NELL2: variants seen among roughly 807,000 people sequenced by gnomAD.
NELL2 encodes the protein protein kinase C-binding protein NELL2.
In NELL2, 41 loss-of-function variants were observed where a neutral mutation model predicts 109.6. That is an observed-to-expected ratio of 0.37 (90% CI 0.29 to 0.49). The LOEUF (loss-of-function observed/expected upper bound fraction) is 0.49. Among genes scored for constraint, NELL2 ranks in the 20% least tolerant of loss-of-function variants. NELL2 has a pLI of 0.98. For synonymous variants in NELL2, 355 were observed against 344.7 expected, an observed-to-expected ratio of 1.03 and a Z score of -0.33; for missense variants, 900 against 1,008.3, an observed-to-expected ratio of 0.89 and a Z score of 1.45.
intron 9 of NELL2, among the ~76,000 whole-genome samples, chr12:44,770,495 T>G (rs11182663): frequency 0.02 from 2,980 of 152,286 alleles, 91 homozygotes; most frequent in African/African-American, 0.069. Context: ...TATGCAAAGA[T>G]ATTACAGTAA....
chr12:44,813,293 T>G (rs1457146297), intron 3 of NELL2, among the ~76,000 whole-genome samples: 1 of 152,214 alleles, frequency 6.6e-6, no homozygotes, highest in Non-Finnish European at 1.5e-5. Context: ...GTTAGCTTAC[T>G]CAGCAAATGA....
At chr12:44,551,825 C>T (rs1160195613) in intron 15 of NELL2, among the ~76,000 whole-genome samples, 1 of 152,046 alleles carries the variant, frequency 6.6e-6, no homozygotes, top group Non-Finnish European at 1.5e-5. Context: ...AAAAAAACCA[C>T]CAAGTAATAA....
intron 9 of NELL2, among the ~76,000 whole-genome samples, chr12:44,773,417 A>C (rs1313195172): frequency 6.6e-6 from 1 of 152,110 alleles, no homozygotes; most frequent in African/African-American, 2.4e-5. Context: ...CGGAGCTTGC[A>C]GTGAGCGGAA....
intron 8 of NELL2, 31 bp from the exon 9 acceptor site, chr12:44,774,880 C>T (rs1454738878): frequency 1.2e-5 from 18 of 1,518,814 alleles, no homozygotes; most frequent in Non-Finnish European, 1.5e-5. Context: ...AAAGAATTTC[C>T]ATGTTAGAGT....
intron 16 of NELL2, 164 bp downstream of exon 16, chr12:44,532,416 AT>A: frequency 2.0e-6 from 1 of 511,596 alleles, no homozygotes; most frequent in East Asian, 3.8e-5. Context: ...ATTAGATACC[AT>A]AATTAGCAAG....
intron 19 of NELL2, among the ~76,000 whole-genome samples, chr12:44,509,230 C>T (rs1363281725): frequency 6.6e-6 from 1 of 152,098 alleles, no homozygotes; most frequent in Non-Finnish European, 1.5e-5. Context: ...CACATTTGTT[C>T]TTTCATTTAT....
At chr12:44,855,260 A>G (rs1944650066) in intron 2 of NELL2, among the ~76,000 whole-genome samples, 1 of 152,198 alleles carries the variant, frequency 6.6e-6, no homozygotes, top group African/African-American at 2.4e-5. Flanking sequence ...ATCACAGGAA[A>G]CTTCTTAAAA....
chr12:44,803,088 A>G (rs2136657204), intron 3 of NELL2, among the ~76,000 whole-genome samples: 1 of 152,138 alleles, frequency 6.6e-6, no homozygotes, highest in East Asian at 1.9e-4. Flanking sequence ...AAGAAGAATC[A>G]TAATCATTTC....
At chr12:44,729,247 A>G (rs1939236471) in intron 9 of NELL2, among the ~76,000 whole-genome samples, 1 of 152,034 alleles carries the variant, frequency 6.6e-6, no homozygotes, top group Non-Finnish European at 1.5e-5. Flanking sequence ...AGGGGAGTAA[A>G]TAGGTATATG....
At chr12:44,894,845 G>T (rs146196121) in intron 1 of NELL2, among the ~76,000 whole-genome samples, 3 of 152,262 alleles carry the variant, frequency 2.0e-5, no homozygotes, top group South Asian at 4.1e-4. Flanking sequence ...CATCAAAGAT[G>T]TAAGATATAT....
chr12:44,659,298 T>C (rs1015555413), intron 13 of NELL2, among the ~76,000 whole-genome samples: 2 of 152,174 alleles, frequency 1.3e-5, no homozygotes, highest in African/African-American at 2.4e-5. Flanking sequence ...AAAGACTTCA[T>C]GACTAAAACA....
chr12:44,812,064 C>T (rs1041495305), intron 3 of NELL2, among the ~76,000 whole-genome samples: 9 of 151,776 alleles, frequency 5.9e-5, no homozygotes, highest in African/African-American at 2.2e-4. Context: ...CTAGAATGCA[C>T]CCATTGAAGC....
In NELL2 at chr12:44,604,525, G is replaced by A. The variant is rs1200336499; in HGVS notation, c.1663+2644C>T. Among the ~76,000 whole-genome samples the A allele has an allele frequency of 2.0e-5, 3 of 152,132 alleles. No homozygotes were observed. The South Asian group carries it at 6.2e-4, about 32-fold the overall frequency. The stretch of plus-strand genomic sequence containing the variant: ...ATCATTTAATTGATCACTCATGTGT[G>A]CATTTATTTATTCACCAAATATTTA... On this transcript the variant is annotated intron_variant, in intron 15 of 19. Transcript: ENST00000429094.
intron 15 of NELL2, among the ~76,000 whole-genome samples, chr12:44,593,119 A>T (rs1387800578): frequency 2.0e-5 from 3 of 152,224 alleles, no homozygotes; most frequent in African/African-American, 7.2e-5. Context: ...AAGGAAAGCA[A>T]GTCACTGCAT....
intron 2 of NELL2, among the ~76,000 whole-genome samples, chr12:44,874,091 A>T (rs1189344002): frequency 6.6e-6 from 1 of 152,208 alleles, no homozygotes; most frequent in Non-Finnish European, 1.5e-5. Context: ...CCATGGTGAC[A>T]CATACTGGCT....
At chr12:44,854,025 C>G (rs912987452) in intron 2 of NELL2, among the ~76,000 whole-genome samples, 1 of 152,150 alleles carries the variant, frequency 6.6e-6, no homozygotes, top group Non-Finnish European at 1.5e-5. Flanking sequence ...TGTCAACAAA[C>G]GCAATTCATA....
At chr12:44,539,342 A>G (rs1186289072) in intron 15 of NELL2, among the ~76,000 whole-genome samples, 1 of 152,186 alleles carries the variant, frequency 6.6e-6, no homozygotes, top group African/African-American at 2.4e-5. Flanking sequence ...ACAACAAAAC[A>G]GAACAAAACA....
At chr12:44,837,314 G>A (rs1034345085) in intron 2 of NELL2, among the ~76,000 whole-genome samples, 3 of 152,256 alleles carry the variant, frequency 2.0e-5, no homozygotes, top group South Asian at 4.1e-4. Flanking sequence ...TGTATATCAC[G>A]TGATGTTTAG....
chr12:44,648,900 TTGTGTGTG>T (rs563769057), intron 13 of NELL2, among the ~76,000 whole-genome samples: 373 of 107,156 alleles, frequency 3.5e-3, no homozygotes, highest in African/African-American at 0.013. Flanking sequence ...CACGCCCAGC[TTGTGTGTG>T]TGTGTGTGTG....
Sources: gnomAD v4.1 joint callset for allele counts (sites outside exome capture counted in the v4.1 genomes callset) on GRCh38, gnomAD v4.1.1 for gene constraint, MANE v1.5 for transcripts, NCBI Gene and HGNC (gene_info 2026-07-23, HGNC 2026-07-21) for gene names.